The following GPD2 variants were observed in gnomAD, a reference collection of about 807,000 sequenced individuals.
GPD2 encodes glycerol-3-phosphate dehydrogenase, mitochondrial.
GPD2 carries 54 observed loss-of-function variants against 82.4 expected under a neutral mutation model. That is an observed-to-expected ratio of 0.66 (90% confidence interval 0.53 to 0.82). The LOEUF is 0.82. Ranked by LOEUF, GPD2 falls within the 40% of genes least tolerant of loss-of-function variation. The pLI, the probability that GPD2 is intolerant of heterozygous loss-of-function variation, is 0.00. For missense variants in GPD2, 748 were observed against 896.2 expected (o/e 0.83, Z 2.11); for synonymous variants, 288 against 306.1 (o/e 0.94, Z 0.62).
chr2:156,573,552 G>C (rs975764309), intron 13 of GPD2, among the ~76,000 whole-genome samples: 1 of 152,146 alleles, frequency 6.6e-6, no homozygotes, highest in African/African-American at 2.4e-5. Context: ...CATATTTTAT[G>C]CTAGGAATTC....
At chr2:156,414,995 T>C in the GPD2 span, among the ~76,000 whole-genome samples, 1 of 152,120 alleles carries the variant, frequency 6.6e-6, no homozygotes, top group African/African-American at 2.4e-5. Context: ...AACATTTTTT[T>C]CCCATAGGTT....
chr2:156,416,886 A>G, the GPD2 span, among the ~76,000 whole-genome samples: 2 of 152,208 alleles, frequency 1.3e-5, no homozygotes, highest in Non-Finnish European at 2.9e-5. Flanking sequence ...TTGGTGAGGA[A>G]GAGTGGTGAA....
chr2:156,450,980 G>T (rs1368209899), intron 1 of GPD2, among the ~76,000 whole-genome samples: 106 of 134,994 alleles, frequency 7.9e-4, no homozygotes, highest in African/African-American at 2.8e-3. Context: ...AGGGTTGGGG[G>T]TAAGGTCACA....
intron 1 of GPD2, among the ~76,000 whole-genome samples, chr2:156,446,541 G>T (rs1477315640): frequency 6.6e-6 from 1 of 151,916 alleles, no homozygotes; most frequent in African/African-American, 2.4e-5. Flanking sequence ...ATGCATTTTT[G>T]ATAATGACTT....
chr2:156,579,061 T>C, intron 14 of GPD2, 25 bp from the exon 15 acceptor site: 1 of 1,574,144 alleles, frequency 6.4e-7, no homozygotes, highest in Non-Finnish European at 8.7e-7. Context: ...AGTATATTTT[T>C]CCATTATTTA....
intron 1 of GPD2, among the ~76,000 whole-genome samples, chr2:156,453,562 G>A (rs1682689396): frequency 6.6e-6 from 1 of 152,170 alleles, no homozygotes; most frequent in Admixed American, 6.5e-5. Context: ...GAGGTGAGGT[G>A]GTTGAGGAAT....
intron 13 of GPD2, among the ~76,000 whole-genome samples, chr2:156,578,305 C>T (rs1421386120): frequency 2.6e-5 from 4 of 152,200 alleles, no homozygotes; most frequent in African/African-American, 9.6e-5. Flanking sequence ...TATACCTTCA[C>T]ACTTCATGTC....
rs377026411 is a variant in GPD2 at position 156,564,770 on chromosome 2, C to A, written c.1166-4055C>A. Among the ~76,000 whole-genome samples the A allele has an allele frequency of 8.5e-5, 13 of 152,158 alleles. No individual in the cohort carries two copies. In the East Asian group the frequency reaches 2.5e-3, roughly 29 times the overall value. On this transcript the variant is annotated intron_variant, in intron 9 of 16. Coordinates refer to ENST00000438166, the MANE Select transcript of GPD2 (RefSeq NM_000408.5). Reference sequence around the variant, plus strand: ...ATTTTAAATAAGGAAATTTGATCATCCTTAAATGTATTATTTTTAATAAAT... The same window carrying A: ...ATTTTAAATAAGGAAATTTGATCATACTTAAATGTATTATTTTTAATAAAT...
chr2:156,575,825 T>C (rs1687799817), intron 13 of GPD2, among the ~76,000 whole-genome samples: 1 of 152,206 alleles, frequency 6.6e-6, no homozygotes, highest in Admixed American at 6.5e-5. Context: ...ACCAGTTAAA[T>C]GACAGTGTTG....
At chr2:156,448,213 A>G (rs892611064) in intron 1 of GPD2, among the ~76,000 whole-genome samples, 1 of 151,758 alleles carries the variant, frequency 6.6e-6, no homozygotes, top group African/African-American at 2.4e-5. Flanking sequence ...GGTACAAGCA[A>G]TTCTCTGCCT....
At position 156,569,495 on chromosome 2, in the gene GPD2, C is replaced by T. The variant is rs1398382393; in HGVS notation, c.1433C>T (p.Thr478Ile). The part of the protein sequence containing the change: ...FLQGGKDWSP[T>I]LYIRLVQDYG... ...CAAGGGGGTAAAGATTGGAGCCCCACACTCTACATTAGGCTTGTGCAGGAT... is the reference window on the plus strand; with the variant it reads ...CAAGGGGGTAAAGATTGGAGCCCCATACTCTACATTAGGCTTGTGCAGGAT... The change falls in exon 11 of 17, where the codon ACA becomes ATA. Residue 478 changes from threonine (T) to isoleucine (I), a missense_variant. This residue lies in a region of GPD2 where 692 missense variants were observed against 809.7 expected (regional missense o/e 0.85). Coordinates refer to ENST00000438166, the MANE Select transcript of GPD2 (RefSeq NM_000408.5). The T allele has an allele frequency of 6.2e-7, 1 of 1,612,994 alleles. No homozygotes were observed. The highest frequency in any genetic ancestry group is 1.1e-5 in the South Asian group (1 of 91,074).
At chr2:156,434,702 A>G (rs1688374774), upstream of GPD2, among the ~76,000 whole-genome samples, 1 of 152,034 alleles carries the variant, frequency 6.6e-6, no homozygotes. Context: ...CTCAACTACA[A>G]TTTCCTTTTT....
the GPD2 span, among the ~76,000 whole-genome samples, chr2:156,404,710 A>G: frequency 2.0e-5 from 3 of 149,132 alleles, no homozygotes; most frequent in Non-Finnish European, 3.0e-5. Flanking sequence ...AAAAAAAAAA[A>G]GCTGGGCATG....
intron 1 of GPD2, among the ~76,000 whole-genome samples, chr2:156,468,297 G>A (rs998378081): frequency 5.3e-5 from 8 of 152,106 alleles, no homozygotes; most frequent in Admixed American, 1.3e-4. Context: ...TTACAGACCC[G>A]TTTGCTAGGA....
chr2:156,556,256 T>G (rs2105344214), intron 8 of GPD2, among the ~76,000 whole-genome samples: 1 of 152,264 alleles, frequency 6.6e-6, no homozygotes, highest in South Asian at 2.1e-4. Flanking sequence ...CGTTTCCATA[T>G]TAAAAAATAA....
Position 156,583,413 on chromosome 2 carries a change from G to T in GPD2, c.*495G>T. 1 of 172,516 alleles carries T rather than the reference G, an allele frequency of 5.8e-6. No homozygotes were observed. Among genetic ancestry groups the T allele is most frequent in the Non-Finnish European group, 1.3e-5 (1 of 79,378 alleles). 10.7% of individuals were successfully genotyped at this position (172,516 alleles called of 1,614,324 possible). A position where few individuals can be genotyped will look rare whatever the true frequency, so the allele number is the denominator to read the frequency against. On this transcript the variant is annotated 3_prime_UTR_variant, in exon 17 of 17. Transcript: ENST00000438166. ...AAAAGAGTTACCTATTGAAATGATAGTGTTTCTGGAGATTTCTCAGCCCCA... is the reference window on the plus strand; with the variant it reads ...AAAAGAGTTACCTATTGAAATGATATTGTTTCTGGAGATTTCTCAGCCCCA...
intron 13 of GPD2, among the ~76,000 whole-genome samples, chr2:156,573,116 A>G (rs1687698022): frequency 6.6e-6 from 1 of 152,178 alleles, no homozygotes; most frequent in Admixed American, 6.5e-5. Flanking sequence ...AGATGATTAC[A>G]TATCAGTCAC....
chr2:156,520,555 T>C (rs1685362981), intron 6 of GPD2, among the ~76,000 whole-genome samples: 1 of 131,490 alleles, frequency 7.6e-6, no homozygotes, highest in South Asian at 2.5e-4. Flanking sequence ...AAAATTATTT[T>C]TATTGTTATT....
At chr2:156,544,292 G>A (rs1414576899) in intron 6 of GPD2, among the ~76,000 whole-genome samples, 1 of 152,134 alleles carries the variant, frequency 6.6e-6, no homozygotes, top group African/African-American at 2.4e-5. Context: ...TCCTTTTAAT[G>A]ACATTGGTGG....
Sources: gnomAD v4.1 joint callset for allele counts (sites outside exome capture counted in the v4.1 genomes callset) on GRCh38, gnomAD v4.1.1 for gene constraint, gnomAD v4.1.1 regional missense constraint, MANE v1.5 for transcripts, NCBI Gene and HGNC (gene_info 2026-07-23, HGNC 2026-07-21) for gene names.